The following SPIDR variants were observed in gnomAD, a reference collection of about 807,000 sequenced individuals.
The protein encoded by SPIDR is DNA repair-scaffolding protein.
Under a neutral mutation model 104.6 loss-of-function variants are expected in SPIDR, and 93 were observed. The ratio of observed to expected loss-of-function variants is 0.89; its 90% CI spans 0.75 to 1.06. The LOEUF (loss-of-function observed/expected upper bound fraction) is 1.06, where lower values mean the gene tolerates loss of function less well. Among genes scored for constraint, SPIDR ranks in the 50% least tolerant of loss-of-function variants. The probability of loss-of-function intolerance (pLI) is 0.00; values close to 1 mark genes in which losing one functional copy is unlikely to be tolerated. For synonymous variants in SPIDR, 431 were observed against 416.9 expected (o/e 1.03, Z -0.41); for missense variants, 1,154 against 1,111.2 (o/e 1.04, Z -0.55).
At chr8:47,441,462 C>G (rs1348993367) in intron 8 of SPIDR, among the ~76,000 whole-genome samples, 1 of 151,670 alleles carries the variant, frequency 6.6e-6, no homozygotes, top group Non-Finnish European at 1.5e-5. Flanking sequence ...GACCTTTCTT[C>G]TCTTTGGTCA....
intron 5 of SPIDR, among the ~76,000 whole-genome samples, chr8:47,326,193 T>C (rs1175065690): frequency 8.5e-5 from 13 of 152,128 alleles, no homozygotes; most frequent in Non-Finnish European, 1.3e-4. Flanking sequence ...TTTATTTTTT[T>C]CTAGAGAGGC....
At position 47,680,780 on chromosome 8, in the gene SPIDR, G is replaced by A. The variant is rs117514979; in HGVS notation, c.1685+6839G>A. Reference sequence around the variant, plus strand: ...TAAAATTGTTCCTGGTGACTTCACCGAAGTTTCTGAAAGGAGAATAAAGTA... The same window carrying A: ...TAAAATTGTTCCTGGTGACTTCACCAAAGTTTCTGAAAGGAGAATAAAGTA... On this transcript the variant is annotated intron_variant, in intron 11 of 19. Transcript: ENST00000297423. 4.4e-3 allele frequency among the ~76,000 whole-genome samples: 666 copies of A among 152,272 alleles called. 2 individuals carry two copies. Among genetic ancestry groups the A allele is most frequent in the South Asian group, 8.3e-3 (40 of 4,828 alleles).
chr8:47,264,506 C>T (rs2033428476), intron 1 of SPIDR, among the ~76,000 whole-genome samples: 1 of 152,138 alleles, frequency 6.6e-6, no homozygotes, highest in African/African-American at 2.4e-5. Context: ...CTGCCCTAGC[C>T]CCTCACTATC....
chr8:47,446,964 A>G (rs1554702292), intron 8 of SPIDR, among the ~76,000 whole-genome samples: 3 of 152,136 alleles, frequency 2.0e-5, no homozygotes, highest in African/African-American at 7.2e-5. Flanking sequence ...AAGAACATTC[A>G]TGATTCATGG....
chr8:47,334,685 A>C (rs1267935298), intron 5 of SPIDR, among the ~76,000 whole-genome samples: 1 of 152,144 alleles, frequency 6.6e-6, no homozygotes, highest in Non-Finnish European at 1.5e-5. Context: ...GACAACATGC[A>C]GTTGGCTCTT....
At chr8:47,434,391 G>C (rs782734918) in intron 7 of SPIDR, among the ~76,000 whole-genome samples, 1 of 152,114 alleles carries the variant, frequency 6.6e-6, no homozygotes, top group Non-Finnish European at 1.5e-5. Flanking sequence ...ACCTGAAGAA[G>C]ACAAAAGTAC....
intron 8 of SPIDR, among the ~76,000 whole-genome samples, chr8:47,554,426 T>G (rs1182403920): frequency 6.6e-6 from 1 of 152,138 alleles, no homozygotes; most frequent in Non-Finnish European, 1.5e-5. Context: ...GGCACTTTGT[T>G]TACCTACTCA....
intron 2 of SPIDR, among the ~76,000 whole-genome samples, chr8:47,282,577 G>A (rs1463728097): frequency 6.6e-6 from 1 of 152,242 alleles, no homozygotes; most frequent in African/African-American, 2.4e-5. Context: ...GAATTGAAGA[G>A]AGTTAGGACC....
intron 8 of SPIDR, among the ~76,000 whole-genome samples, chr8:47,516,022 G>A (rs1018219689): frequency 5.3e-5 from 8 of 152,232 alleles, no homozygotes; most frequent in Non-Finnish European, 7.3e-5. Flanking sequence ...TATTAGCCAG[G>A]ATGGTCTCGA....
rs1405198041 is a variant in SPIDR, at chr8:47,288,805, A to G, written c.257-2228A>G. Among the ~76,000 whole-genome samples the G allele has an allele frequency of 3.3e-5, 5 of 152,214 alleles. No individual in the cohort carries two copies. The East Asian group carries it at 7.7e-4, about 23-fold the overall frequency. ...AGTAAGTGTTCAGTAAATGTTGACT[A>G]TTCCATGTTTTTGTGCCTTTGTAAG... is the stretch of plus-strand genomic sequence containing the variant. On this transcript the variant is annotated intron_variant, in intron 3 of 19. Transcript: ENST00000297423.
At chr8:47,705,519 A>T (rs940754738) in intron 14 of SPIDR, among the ~76,000 whole-genome samples, 2 of 152,224 alleles carry the variant, frequency 1.3e-5, no homozygotes, top group Admixed American at 1.3e-4. Flanking sequence ...TCCTGGGGCC[A>T]GTCCGTAGTT....
At position 47,279,739 on chromosome 8, in the gene SPIDR, A is replaced by G. The variant is rs1337564865; in HGVS notation, c.34-123A>G. The G allele has an allele frequency of 3.1e-6, 3 of 959,842 alleles. No individual in the cohort carries two copies. In the African/African-American group the frequency reaches 4.9e-5, roughly 16 times the overall value. 59.5% of individuals were successfully genotyped at this position (959,842 alleles called of 1,614,324 possible). A position where few individuals can be genotyped will look rare whatever the true frequency, so the allele number is the denominator to read the frequency against. ...ATGTGAAGATTTAGAGACATTCAAA[A>G]ACTATACCTTTACTGATGCCACTTC... On this transcript the variant is annotated intron_variant, in intron 1 of 19. Transcript: ENST00000297423.
At chr8:47,492,850 T>G (rs1248998513) in intron 8 of SPIDR, among the ~76,000 whole-genome samples, 1 of 152,198 alleles carries the variant, frequency 6.6e-6, no homozygotes, top group Non-Finnish European at 1.5e-5. Context: ...CTGCCATTCA[T>G]TCTTTGGCCC....
intron 4 of SPIDR, among the ~76,000 whole-genome samples, chr8:47,292,825 G>A (rs1256767563): frequency 6.6e-6 from 1 of 151,944 alleles, no homozygotes; most frequent in African/African-American, 2.4e-5. Flanking sequence ...ATTTTGTATT[G>A]TGAGTATCTC....
intron 5 of SPIDR, among the ~76,000 whole-genome samples, chr8:47,354,878 A>G (rs1484643683): frequency 2.0e-5 from 3 of 151,804 alleles, no homozygotes; most frequent in African/African-American, 7.3e-5. Flanking sequence ...CCTGGACTCA[A>G]ATGATCCTCC....
At chr8:47,569,867 T>C (rs1227664530) in intron 8 of SPIDR, among the ~76,000 whole-genome samples, 1 of 152,066 alleles carries the variant, frequency 6.6e-6, no homozygotes, top group Non-Finnish European at 1.5e-5. Flanking sequence ...GAAAATGAAA[T>C]TAAACCAATT....
chr8:47,640,107 A>G (rs1039336528), intron 10 of SPIDR, among the ~76,000 whole-genome samples: 2 of 152,202 alleles, frequency 1.3e-5, no homozygotes, highest in Non-Finnish European at 2.9e-5. Context: ...GTTGCCTTCC[A>G]GCTTTCGAAC....
intron 8 of SPIDR, among the ~76,000 whole-genome samples, chr8:47,573,856 G>A (rs2058787042): frequency 6.6e-6 from 1 of 152,204 alleles, no homozygotes. Flanking sequence ...TGCCTTGGTT[G>A]CTATGTGACA....
chr8:47,309,748 T>C (rs933701235), intron 5 of SPIDR, among the ~76,000 whole-genome samples: 2 of 152,110 alleles, frequency 1.3e-5, no homozygotes, highest in African/African-American at 4.8e-5. Context: ...TGTTAAAAAG[T>C]AGTAAGTTGG....
Sources: gnomAD v4.1 joint callset for allele counts (sites outside exome capture counted in the v4.1 genomes callset) on GRCh38, gnomAD v4.1.1 for gene constraint, MANE v1.5 for transcripts, NCBI Gene and HGNC (gene_info 2026-07-23, HGNC 2026-07-21) for gene names.